ARVCF: variants seen among roughly 807,000 people sequenced by gnomAD.
ARVCF encodes the protein splicing regulator ARVCF.
Under a neutral mutation model 90.9 loss-of-function variants are expected in ARVCF, and 66 were observed. The ratio of observed to expected loss-of-function variants is 0.73; its 90% confidence interval spans 0.60 to 0.89. The LOEUF is 0.89. Ranked by LOEUF, ARVCF falls within the 40% of genes least tolerant of loss-of-function variation. ARVCF has a pLI of 0.00. For missense variants in ARVCF, 1,469 were observed against 1,382.3 expected, an observed-to-expected ratio of 1.06 and a Z score of -1.00; for synonymous variants, 653 against 603.4, an observed-to-expected ratio of 1.08 and a Z score of -1.21.
intron 2 of ARVCF, among the ~76,000 whole-genome samples, chr22:20,010,076 C>A (rs1444532066): frequency 6.6e-6 from 1 of 152,232 alleles, no homozygotes; most frequent in Non-Finnish European, 1.5e-5. Context: ...CCTGGCCCAG[C>A]AGGCTGTGCC....
intron 2 of ARVCF, among the ~76,000 whole-genome samples, chr22:19,993,212 C>T (rs940205111): frequency 6.6e-6 from 1 of 152,020 alleles, no homozygotes; most frequent in African/African-American, 2.4e-5. Flanking sequence ...AAGAGCAACC[C>T]GGGATATGCT....
At chr22:19,968,377 T>G (rs1441215501), downstream of ARVCF, among the ~76,000 whole-genome samples, 1 of 152,174 alleles carries the variant, frequency 6.6e-6, no homozygotes, top group Non-Finnish European at 1.5e-5. Context: ...TACAGTCCTT[T>G]CCTGCAGGAG....
At chr22:19,967,543 G>T (rs753662100), downstream of ARVCF, 4 of 381,302 alleles carry the variant, frequency 1.0e-5, no homozygotes, top group Non-Finnish European at 2.1e-5. Context: ...TTTCTCTGCA[G>T]CATACAGGCT....
At chr22:19,965,963 G>A (rs1271766864), downstream of ARVCF, among the ~76,000 whole-genome samples, 3 of 152,374 alleles carry the variant, frequency 2.0e-5, no homozygotes, top group East Asian at 5.8e-4. Flanking sequence ...GGGCAGGAAA[G>A]ACACCCACAG....
chr22:19,979,561 G>C lies in ARVCF; in HGVS notation c.1396+182C>G, dbSNP rs1943361464. The C allele has an allele frequency of 1.1e-5, 10 of 938,840 alleles. No individual in the cohort carries two copies. In the East Asian group the frequency reaches 2.7e-4, roughly 25 times the overall value. 58.2% of individuals were successfully genotyped at this position (938,840 alleles called of 1,614,324 possible). A position where few individuals can be genotyped will look rare whatever the true frequency, so the allele number is the denominator to read the frequency against. Reference sequence around the variant, plus strand: ...AGCCTCCCTGCTATGGTAGAGACTGGGGAACCTGTCACAGTGTCTGGGCCT... The same window carrying C: ...AGCCTCCCTGCTATGGTAGAGACTGCGGAACCTGTCACAGTGTCTGGGCCT... On this transcript the variant is annotated intron_variant, in intron 6 of 19. Coordinates refer to ENST00000263207, the MANE Select transcript of ARVCF (RefSeq NM_001670.3).
Position 19,972,950 on chromosome 22 carries a change from T to C in ARVCF, c.2525A>G (p.Asp842Gly). The C allele has an allele frequency of 1.2e-6, 2 of 1,613,776 alleles. No individual in the cohort carries two copies. ...CTGGAAGCGCGCCTTGGTCCAACCA[T>C]CTTTCTGCAAGGTACCACGCAGCTC... The part of the protein sequence containing the change: ...YKELRGTLQK[D>G]GWTKARFQSA... Residue 842 changes from aspartate (D) to glycine (G), a missense_variant, in exon 15 of 20, where the codon GAT becomes GGT. Coordinates refer to ENST00000263207, the MANE Select transcript of ARVCF (RefSeq NM_001670.3).
chr22:19,979,531 G>T, intron 6 of ARVCF: 1 of 739,938 alleles, frequency 1.4e-6, no homozygotes, highest in East Asian at 2.8e-5. Flanking sequence ...GAGGGGCGCA[G>T]CGTCAGCCTC....
At chr22:19,994,831 G>A (rs1221380736) in intron 2 of ARVCF, among the ~76,000 whole-genome samples, 3 of 150,920 alleles carry the variant, frequency 2.0e-5, no homozygotes, top group African/African-American at 2.4e-5. Context: ...GGGTGGGTAG[G>A]AGGATGGTAG....
chr22:20,013,287 C>T (rs147349046), intron 1 of ARVCF, among the ~76,000 whole-genome samples: 1,796 of 152,324 alleles, frequency 0.012, 43 homozygotes, highest in African/African-American at 0.041. Context: ...GCTTGGGAGG[C>T]CCCTGGGCAC....
intron 2 of ARVCF, among the ~76,000 whole-genome samples, chr22:20,009,314 C>T (rs1317888112): frequency 6.6e-6 from 1 of 152,214 alleles, no homozygotes; most frequent in African/African-American, 2.4e-5. Flanking sequence ...CTGGCCCGGC[C>T]GGCAGCTTTC....
In ARVCF at chr22:19,971,234, C is replaced by G. The variant is rs774093074; in HGVS notation, c.2883G>C (p.Trp961Cys). ...AACGTACCAGGCATGCAAGCTAGACCCAGGAATCAACGGGCTGAGGCTTAG... is the reference window on the plus strand; with the variant it reads ...AACGTACCAGGCATGCAAGCTAGACGCAGGAATCAACGGGCTGAGGCTTAG... The part of the protein sequence containing the change: ...GDAKPQPVDS[W>C]V The change falls in exon 19 of 20, where the codon TGG becomes TGC. Residue 961 changes from tryptophan to cysteine, a missense_variant. Trp to Cys is a radical substitution (Grantham distance 215, BLOSUM62 -2). Transcript: ENST00000263207. 1 of 1,554,232 alleles carries G rather than the reference C, an allele frequency of 6.4e-7. No homozygotes were observed. The highest frequency in any genetic ancestry group is 1.4e-5 in the African/African-American group (1 of 73,338).
Position 19,983,904 on chromosome 22 carries a change from C to T in ARVCF, c.211-1813G>A, listed in dbSNP as rs147239249. Among the ~76,000 whole-genome samples the T allele has an allele frequency of 2.4e-3, 360 of 152,344 alleles. 1 individual carries two copies. Among genetic ancestry groups the T allele is most frequent in the African/African-American group, 8.0e-3 (333 of 41,580 alleles). ...GGCAGGCTGGGCTCTTCTCCAAAGGCACTGGGGAGCTGGGACTGCTCTGAA... is the reference window on the plus strand; with the variant it reads ...GGCAGGCTGGGCTCTTCTCCAAAGGTACTGGGGAGCTGGGACTGCTCTGAA... On this transcript the variant is annotated intron_variant, in intron 3 of 19. Coordinates refer to ENST00000263207, the MANE Select transcript of ARVCF (RefSeq NM_001670.3).
intron 3 of ARVCF, among the ~76,000 whole-genome samples, chr22:19,985,075 C>T (rs1943694153): frequency 6.6e-6 from 1 of 152,132 alleles, no homozygotes; most frequent in African/African-American, 2.4e-5. Flanking sequence ...GGGACCCTGG[C>T]CCTGCAGCCC....
At chr22:19,969,244 T>C (rs112696498), downstream of ARVCF, 1,976 of 155,992 alleles carry the variant, frequency 0.013, 46 homozygotes, top group African/African-American at 0.044. Flanking sequence ...GTTAGCCCCA[T>C]GGGGACGACT....
chr22:20,012,299 G>A (rs1601692334), intron 1 of ARVCF, among the ~76,000 whole-genome samples: 1 of 152,328 alleles, frequency 6.6e-6, no homozygotes, highest in South Asian at 2.1e-4. Flanking sequence ...AGGCTGAGTG[G>A]TAGGAGCAGC....
downstream of ARVCF, chr22:19,968,532 G>C (rs753519008): frequency 6.2e-7 from 1 of 1,613,608 alleles, no homozygotes; most frequent in Non-Finnish European, 8.5e-7. Context: ...CGGTCTGTTT[G>C]CAGGAATGTG....
intron 3 of ARVCF, chr22:19,986,975 C>A: frequency 1.6e-6 from 1 of 626,752 alleles, no homozygotes; most frequent in South Asian, 1.7e-5. Context: ...GGGCCAGCGG[C>A]TCCGCGGAAC....
At chr22:20,005,816 T>C (rs544444583) in intron 2 of ARVCF, among the ~76,000 whole-genome samples, 1 of 150,046 alleles carries the variant, frequency 6.7e-6, no homozygotes, top group African/African-American at 2.4e-5. Flanking sequence ...AAAAAAGAAT[T>C]GAAAGCAGAG....
intron 16 of ARVCF, 50 bp from the exon 17 acceptor site, chr22:19,972,461 C>A: frequency 1.2e-6 from 2 of 1,609,728 alleles, no homozygotes; most frequent in Non-Finnish European, 1.7e-6. Context: ...CAGGGGGGAT[C>A]GGGGCAGAGA....
Sources: gnomAD v4.1 joint callset for allele counts (sites outside exome capture counted in the v4.1 genomes callset) on GRCh38, gnomAD v4.1.1 for gene constraint, MANE v1.5 for transcripts, NCBI Gene and HGNC (gene_info 2026-07-23, HGNC 2026-07-21) for gene names.